Variants in OPA1 observed in about 807,000 individuals in gnomAD.
The protein encoded by OPA1 is OPA1 mitochondrial dynamin like GTPase, also known as dynamin-like GTPase OPA1, mitochondrial.
A neutral mutation model predicts 152.9 loss-of-function variants in OPA1; 59 were observed. That is an observed-to-expected ratio of 0.39 (90% CI 0.31 to 0.48). The LOEUF (loss-of-function observed/expected upper bound fraction) is 0.48. OPA1 is among the 20% of genes least tolerant of loss of function. OPA1 has a pLI of 0.96. For synonymous variants in OPA1, 400 were observed against 389.9 expected (o/e 1.03, Z -0.31); for missense variants, 1,008 against 1,216.8 (o/e 0.83, Z 2.55).
chr3:193,600,593 T>A (rs1577116451), intron 1 of OPA1, among the ~76,000 whole-genome samples: 2 of 152,320 alleles, frequency 1.3e-5, no homozygotes, highest in Non-Finnish European at 2.9e-5. Flanking sequence ...ATATAAGCAG[T>A]TCAGCAGTAT....
At chr3:193,621,264 T>C (rs1187464838) in intron 6 of OPA1, among the ~76,000 whole-genome samples, 1 of 152,206 alleles carries the variant, frequency 6.6e-6, no homozygotes, top group South Asian at 2.1e-4. Context: ...TCTGGAGAAG[T>C]GCTGGCAACT....
At chr3:193,677,653 T>C (rs965140808) in intron 29 of OPA1, among the ~76,000 whole-genome samples, 1 of 152,208 alleles carries the variant, frequency 6.6e-6, no homozygotes. Context: ...GAGAAATTAG[T>C]TAAATGTGAA....
In OPA1 at chr3:193,658,795, T is replaced by G; in HGVS notation, c.2332-92T>G. ...ATGCTGGTTTATATACATGGTTATT[T>G]TTCCATATTTACTAAGCTGTCAATT... is the stretch of plus-strand genomic sequence containing the variant. On this transcript the variant is annotated intron_variant, in intron 23 of 30. Transcript: ENST00000361510. 3 of 864,702 alleles carry G rather than the reference T, an allele frequency of 3.5e-6. No homozygotes were observed. The Admixed American group carries it at 5.4e-5, about 15-fold the overall frequency. The allele number at this position is 864,702 out of a possible 1,614,324, so 53.6% of individuals were successfully genotyped here.
chr3:193,650,336 T>C (rs1346573235), intron 21 of OPA1, among the ~76,000 whole-genome samples: 6 of 152,162 alleles, frequency 3.9e-5, no homozygotes, highest in African/African-American at 1.4e-4. Context: ...GTTTTCAGAC[T>C]GTAGAGGCTG....
intron 1 of OPA1, among the ~76,000 whole-genome samples, chr3:193,597,757 G>A (rs1725841486): frequency 6.6e-6 from 1 of 151,020 alleles, no homozygotes; most frequent in South Asian, 2.1e-4. Context: ...AAAATAGCTA[G>A]AGCAGGGAAA....
intron 6 of OPA1, among the ~76,000 whole-genome samples, chr3:193,620,109 G>A (rs1729785408): frequency 6.6e-6 from 1 of 152,168 alleles, no homozygotes; most frequent in African/African-American, 2.4e-5. Context: ...TAATAGTTGT[G>A]GCTTATTTTG....
intron 29 of OPA1, chr3:193,668,592 C>CAA: frequency 6.5e-7 from 1 of 1,542,722 alleles, no homozygotes; most frequent in Non-Finnish European, 8.8e-7. Flanking sequence ...CCCTCTTTAC[C>CAA]CTGCCTGTGC....
Position 193,664,966 on chromosome 3 carries a change from T to G in OPA1, c.2748T>G (p.Tyr916Ter). ...GTAACCTTTGTCGAAGAGGTTTTTA[T>G]TACTACCAAAGGCATTTTGTAGATT... ...NHCNLCRRGF[Y>*]YYQRHFVDSE... is the part of the protein sequence containing the mutation. Residue 916 changes from tyrosine to a stop codon, truncating the protein, a stop_gained, in exon 27 of 31, where the codon TAT (tyrosine) becomes TAG (stop). Transcript: ENST00000361510. LOFTEE classifies it high-confidence loss of function. The G allele has an allele frequency of 6.2e-7, 1 of 1,603,356 alleles. No individual in the cohort carries two copies. Among genetic ancestry groups the G allele is most frequent in the Non-Finnish European group, 8.5e-7 (1 of 1,170,780 alleles).
intron 29 of OPA1, among the ~76,000 whole-genome samples, chr3:193,682,813 T>TTA (rs1720357630): frequency 6.6e-6 from 1 of 152,070 alleles, no homozygotes; most frequent in Non-Finnish European, 1.5e-5. Flanking sequence ...CAAGCAAGAG[T>TTA]TCTGAGGGAG....
chr3:193,630,551 G>A (rs1020573101), intron 7 of OPA1, among the ~76,000 whole-genome samples: 2 of 152,082 alleles, frequency 1.3e-5, no homozygotes, highest in Non-Finnish European at 2.9e-5. Context: ...AATTTTTCAT[G>A]TATATTTGCT....
chr3:193,611,381 G>A (rs1175856111), intron 1 of OPA1, among the ~76,000 whole-genome samples: 2 of 152,028 alleles, frequency 1.3e-5, no homozygotes, highest in African/African-American at 2.4e-5. Flanking sequence ...GGAGGATCAC[G>A]AGGTCAGGAG....
intron 16 of OPA1, among the ~76,000 whole-genome samples, chr3:193,644,507 T>A (rs1560375647): frequency 6.6e-6 from 1 of 152,206 alleles, no homozygotes; most frequent in South Asian, 2.1e-4. Context: ...GCCACTGTTA[T>A]ATAAGGAAAG....
intron 6 of OPA1, among the ~76,000 whole-genome samples, chr3:193,619,252 T>C (rs1369289699): frequency 2.6e-5 from 4 of 152,192 alleles, no homozygotes; most frequent in Admixed American, 1.3e-4. Context: ...CTTCTTTTCT[T>C]TCCCTAGGAC....
In OPA1 at chr3:193,697,266, A is replaced by C. The variant is rs1560091416; in HGVS notation, c.*2666A>C. 6.6e-6 allele frequency: 1 copy of C among 152,218 alleles called. No individual in the cohort carries two copies. 9.4% of individuals were successfully genotyped at this position (152,218 alleles called of 1,614,324 possible). On this transcript the variant is annotated 3_prime_UTR_variant, in exon 31 of 31. Coordinates refer to ENST00000361510, the MANE Select transcript of OPA1 (RefSeq NM_130837.3). Reference sequence around the variant, plus strand: ...GGATCAAAGTAATGGTTTTTCTCTCAGTTCTCTAAGCTGGTCTATGTTATA... The same window carrying C: ...GGATCAAAGTAATGGTTTTTCTCTCCGTTCTCTAAGCTGGTCTATGTTATA...
At chr3:193,600,029 G>C (rs958423032) in intron 1 of OPA1, among the ~76,000 whole-genome samples, 3 of 152,190 alleles carry the variant, frequency 2.0e-5, no homozygotes, top group African/African-American at 7.2e-5. Context: ...ACACTCAGCT[G>C]TTATTACAGA....
At chr3:193,668,533 A>C (rs1182589153) in intron 29 of OPA1, 2 of 1,548,466 alleles carry the variant, frequency 1.3e-6, no homozygotes, top group South Asian at 2.4e-5. Flanking sequence ...GCCCGACCCC[A>C]GACAGATTCC....
intron 21 of OPA1, among the ~76,000 whole-genome samples, chr3:193,653,295 G>A (rs184630321): frequency 1.7e-4 from 26 of 152,330 alleles, no homozygotes; most frequent in Admixed American, 6.5e-4. Context: ...GATTGATTCA[G>A]TAGACTTAAT....
Position 193,659,465 on chromosome 3 carries a change from T to C in OPA1, c.2441-17T>C, listed in dbSNP as rs770282148. 2 of 1,588,874 alleles carry C rather than the reference T, an allele frequency of 1.3e-6. No individual in the cohort carries two copies. The highest frequency in any genetic ancestry group is 1.7e-5 in the Admixed American group (1 of 58,970). ...TGTAAGTGATAAAATTCTTGATTAA[T>C]TAATTTTTTTTTCTAGCTGAAAATG... On this transcript the variant is annotated splice_polypyrimidine_tract_variant and intron_variant, in intron 24 of 30. Coordinates refer to ENST00000361510, the MANE Select transcript of OPA1 (RefSeq NM_130837.3).
chr3:193,691,972 G>A (rs1721746281), intron 29 of OPA1, 91 bp from the exon 30 acceptor site: 2 of 769,932 alleles, frequency 2.6e-6, no homozygotes, highest in Non-Finnish European at 2.2e-6. Flanking sequence ...CCCGCAAATA[G>A]TTAAGTATAC....
Sources: allele counts gnomAD v4.1 joint callset (sites outside exome capture counted in the v4.1 genomes callset), GRCh38; gene constraint gnomAD v4.1.1; transcripts MANE v1.5; gene names NCBI Gene and HGNC (gene_info 2026-07-23, HGNC 2026-07-21).